HTR4: variants seen among roughly 807,000 people sequenced by gnomAD.
HTR4 encodes the protein 5-hydroxytryptamine (serotonin) receptor 4, G protein-coupled.
Under a neutral mutation model 36.8 loss-of-function variants are expected in HTR4, and 16 were observed. The ratio of observed to expected loss-of-function variants is 0.43; its 90% CI spans 0.29 to 0.66. HTR4 has a LOEUF of 0.66. Ranked by LOEUF, HTR4 falls within the 30% of genes least tolerant of loss-of-function variation. The pLI is 0.13. For synonymous variants in HTR4, 189 were observed against 185.1 expected (o/e 1.02, Z -0.17); for missense variants, 438 against 490.9 (o/e 0.89, Z 1.02).
rs778231946 is a variant in HTR4 at position 148,548,671 on chromosome 5, T to C, written c.350A>G (p.Asp117Gly). 3.1e-6 allele frequency: 5 copies of C among 1,599,840 alleles called. No homozygotes were observed. Among genetic ancestry groups the C allele is most frequent in the South Asian group, 1.1e-5 (1 of 89,090 alleles). The change falls in exon 4 of 7, where the codon GAT (aspartate) becomes GGT (glycine). Residue 117 changes from aspartate to glycine, a missense_variant. Asp to Gly is a moderately conservative substitution (Grantham distance 94). Coordinates refer to ENST00000377888, the MANE Select transcript of HTR4 (RefSeq NM_000870.7). The stretch of plus-strand genomic sequence containing the variant: ...ATGCACATTGTTCTGTCCTTACCTA[T>C]CCAGAGAAATGCAGCACAGGTGAAA... ...SIFHLCCISL[D>G]RYYAICCQPL...
chr5:148,630,166 C>T (rs529847277), intron 2 of HTR4: 2 of 152,148 alleles, frequency 1.3e-5, no homozygotes, highest in African/African-American at 2.4e-5. Flanking sequence ...ACTAAATCTC[C>T]GTTTGCTTAA....
At chr5:148,624,358 T>A (rs772889687) in intron 2 of HTR4, among the ~76,000 whole-genome samples, 2 of 152,172 alleles carry the variant, frequency 1.3e-5, no homozygotes, top group Non-Finnish European at 2.9e-5. Context: ...TGCACCTCAA[T>A]ATGAAATGCA....
rs376870525 is a variant in HTR4 at position 148,592,894 on chromosome 5, G to A, written c.27-42632C>T. On this transcript the variant is annotated intron_variant, in intron 2 of 6. Transcript: ENST00000377888. ...AATTCTGCCTTCAACTATTGTTTACGTAATGTTTTATTTTCCTTTGACAAT... is the reference window on the plus strand; with the variant it reads ...AATTCTGCCTTCAACTATTGTTTACATAATGTTTTATTTTCCTTTGACAAT... Among the ~76,000 whole-genome samples the A allele has an allele frequency of 3.6e-4, 54 of 151,982 alleles. 1 individual carries two copies. In the South Asian group the frequency reaches 4.1e-3, roughly 12 times the overall value.
intron 5 of HTR4, among the ~76,000 whole-genome samples, chr5:148,458,465 C>T (rs537894438): frequency 5.3e-5 from 8 of 151,972 alleles, no homozygotes; most frequent in Non-Finnish European, 5.9e-5. Flanking sequence ...TGTGAGAGAC[C>T]ACAGCCAGCT....
chr5:148,528,263 G>C (rs952216566), intron 4 of HTR4, among the ~76,000 whole-genome samples: 3 of 152,156 alleles, frequency 2.0e-5, no homozygotes, highest in African/African-American at 4.8e-5. Flanking sequence ...GACCTCTGCA[G>C]CTTCTTCAAT....
At chr5:148,577,670 A>G (rs977400575) in intron 2 of HTR4, among the ~76,000 whole-genome samples, 2 of 152,146 alleles carry the variant, frequency 1.3e-5, no homozygotes, top group African/African-American at 4.8e-5. Flanking sequence ...TTTTGCAGGA[A>G]AATGGATGGA....
intron 2 of HTR4, among the ~76,000 whole-genome samples, chr5:148,633,082 G>T (rs1753383937): frequency 1.3e-5 from 2 of 152,092 alleles, no homozygotes; most frequent in Admixed American, 6.6e-5. Flanking sequence ...AGATCAGGTG[G>T]GTGTCAGATT....
At chr5:148,473,340 T>G (rs1755619257), downstream of HTR4, among the ~76,000 whole-genome samples, 1 of 150,628 alleles carries the variant, frequency 6.6e-6, no homozygotes. Flanking sequence ...ATAGCCGTAG[T>G]TGTCCTCATA....
At chr5:148,567,526 AATATACCAGGAT>A (rs1329059373) in intron 2 of HTR4, among the ~76,000 whole-genome samples, 7 of 152,078 alleles carry the variant, frequency 4.6e-5, no homozygotes, top group African/African-American at 1.7e-4. Context: ...GACTTGGTAG[AATATACCAGGAT>A]ATAAGGAACC....
chr5:148,535,826 T>G (rs1758790850), intron 4 of HTR4, among the ~76,000 whole-genome samples: 1 of 152,162 alleles, frequency 6.6e-6, no homozygotes, highest in Non-Finnish European at 1.5e-5. Flanking sequence ...AGAAAATGAT[T>G]TATGGAAACT....
At chr5:148,486,901 A>C (rs1420230168) in intron 6 of HTR4, among the ~76,000 whole-genome samples, 1 of 152,080 alleles carries the variant, frequency 6.6e-6, no homozygotes, top group Non-Finnish European at 1.5e-5. Context: ...CCACAACTTA[A>C]AATGCAGCGA....
At chr5:148,588,527 C>CTTTTTTTTT (rs35749777) in intron 2 of HTR4, among the ~76,000 whole-genome samples, 1 of 110,138 alleles carries the variant, frequency 9.1e-6, no homozygotes. Flanking sequence ...GGTTTTAATT[C>CTTTTTTTTT]TTTTTTTTTT....
chr5:148,517,451 A>G (rs1757809867), intron 5 of HTR4, among the ~76,000 whole-genome samples: 1 of 152,120 alleles, frequency 6.6e-6, no homozygotes, highest in South Asian at 2.1e-4. Flanking sequence ...CTCCAATTGC[A>G]TATCTAATAG....
intron 1 of HTR4, chr5:148,645,142 T>C (rs1027415352): frequency 8.5e-5 from 13 of 152,180 alleles, no homozygotes; most frequent in Non-Finnish European, 1.8e-4. Flanking sequence ...GCAAGAATCA[T>C]GAAGGAGTAG....
chr5:148,642,007 T>C (rs543043792), intron 1 of HTR4, among the ~76,000 whole-genome samples: 1 of 152,318 alleles, frequency 6.6e-6, no homozygotes, highest in Admixed American at 6.5e-5. Flanking sequence ...TAACCTCGGC[T>C]TGCTTTGCTC....
At chr5:148,639,016 C>T (rs1431622777) in intron 1 of HTR4, among the ~76,000 whole-genome samples, 2 of 151,908 alleles carry the variant, frequency 1.3e-5, no homozygotes, top group African/African-American at 4.8e-5. Flanking sequence ...TACTGTACTC[C>T]AGCCTGGGTG....
chr5:148,457,960 T>A (rs1432745837), intron 5 of HTR4, among the ~76,000 whole-genome samples: 3 of 97,954 alleles, frequency 3.1e-5, no homozygotes, highest in Admixed American at 1.0e-4. Context: ...TAAATATATA[T>A]TAAAATATAA....
chr5:148,637,677 C>T (rs1319227206), intron 1 of HTR4, among the ~76,000 whole-genome samples: 1 of 152,128 alleles, frequency 6.6e-6, no homozygotes, highest in Non-Finnish European at 1.5e-5. Flanking sequence ...GAGTTAACTT[C>T]AAATTACCAA....
intron 5 of HTR4, chr5:148,451,417 T>C (rs112975240): frequency 1.4e-6 from 2 of 1,400,126 alleles, no homozygotes; most frequent in Non-Finnish European, 9.6e-7. Context: ...GGGGTGATAC[T>C]TCATAGAGAT....
Sources: gnomAD v4.1 joint callset for allele counts (sites outside exome capture counted in the v4.1 genomes callset) on GRCh38, gnomAD v4.1.1 for gene constraint, MANE v1.5 for transcripts, NCBI Gene and HGNC (gene_info 2026-07-23, HGNC 2026-07-21) for gene names.